Variants in SCML1 observed in about 807,000 individuals in gnomAD.
The protein encoded by SCML1 is Scm polycomb group protein like 1.
For missense variants in SCML1, 137 were observed against 258.1 expected, an observed-to-expected ratio of 0.53 and a Z score of 3.22; for synonymous variants, 104 against 103.6, an observed-to-expected ratio of 1.00 and a Z score of -0.02.
chrX:17,744,141 A>C lies in SCML1; in HGVS notation c.-46A>C. Reference sequence around the variant, plus strand: ...AAACCCTCCAGCAAGTTTAAAAATAATTAGGTCCAACTCAGAGGAAGTGGA... The same window carrying C: ...AAACCCTCCAGCAAGTTTAAAAATACTTAGGTCCAACTCAGAGGAAGTGGA... On this transcript the variant is annotated 5_prime_UTR_variant, in exon 2 of 8. Coordinates refer to ENST00000380041, the MANE Select transcript of SCML1 (RefSeq NM_001037540.3). 1 of 1,129,686 alleles carries C rather than the reference A, an allele frequency of 8.9e-7. No individual in the cohort carries two copies. Among genetic ancestry groups the C allele is most frequent in the Non-Finnish European group, 1.2e-6 (1 of 822,984 alleles). 93.1% of individuals were successfully genotyped at this position (1,129,686 alleles called of 1,213,427 possible). A position where few individuals can be genotyped will look rare whatever the true frequency, so the allele number is the denominator to read the frequency against.
chrX:17,750,271 T>C lies in SCML1; in HGVS notation c.681T>C (p.His227=). ...DSIHNTYSTD[H]ASAAPPSVTR... The stretch of plus-strand genomic sequence containing the variant: ...TCCACAACACTTACTCAACTGACCA[T>C]GCTTCTGCAGCACCACCTTCAGGTA... Residue 227 remains histidine (H), a synonymous_variant, in exon 6 of 8, where the codon CAT becomes CAC. Transcript: ENST00000380041. 1 of 1,206,198 alleles carries C rather than the reference T, an allele frequency of 8.3e-7. No individual in the cohort carries two copies. Among genetic ancestry groups the C allele is most frequent in the Non-Finnish European group, 1.1e-6 (1 of 891,871 alleles).
rs771920101 is a variant in SCML1, at chrX:17,753,290, G to A, written c.888G>A (p.Thr296=). The change falls in exon 8 of 8, where the codon ACG becomes ACA. Residue 296 remains threonine (T), a synonymous_variant. Coordinates refer to ENST00000380041, the MANE Select transcript of SCML1 (RefSeq NM_001037540.3). ...EIDGKALLLL[T]SDVLLKHLGV... ...ACGGGAAGGCTCTGCTCCTACTCAC[G>A]AGTGACGTGTTGCTGAAGCACTTGG... 7.6e-6 allele frequency: 9 copies of A among 1,180,870 alleles called. No homozygotes were observed. The South Asian group carries it at 7.7e-5, about 10-fold the overall frequency.
chrX:17,740,530 T>C (rs924528018), intron 1 of SCML1, among the ~76,000 whole-genome samples: 1 of 111,315 alleles, frequency 9.0e-6, no homozygotes, highest in African/African-American at 3.3e-5. Flanking sequence ...TTTAAGTAAG[T>C]TGTTCAACTT....
At chrX:17,751,226 A>G (rs2066704402) in intron 6 of SCML1, among the ~76,000 whole-genome samples, 1 of 112,412 alleles carries the variant, frequency 8.9e-6, no homozygotes, top group South Asian at 3.7e-4. Flanking sequence ...AAGTAAAGCG[A>G]TACTAAAAAT....
chrX:17,737,422 GCCCCCCCCCCCCCCCCCCC>G (rs549573978), upstream of SCML1: 1 of 4,987 alleles, frequency 2.0e-4, no homozygotes, highest in African/African-American at 6.5e-4. Flanking sequence ...GGGTAGTCCC[GCCCCCCCCCCCCCCCCCCC>G]CCCCCCCAAC....
At chrX:17,749,350 T>C in intron 4 of SCML1, 50 bp from the exon 5 acceptor site, 1 of 712,963 alleles carries the variant, frequency 1.4e-6, no homozygotes, top group Middle Eastern at 4.7e-4. Context: ...AAATAAAAAA[T>C]TATATTTTAC....
At chrX:17,740,418 A>G (rs1014174118) in intron 1 of SCML1, among the ~76,000 whole-genome samples, 79 of 111,516 alleles carry the variant, frequency 7.1e-4, no homozygotes, top group African/African-American at 2.4e-3. Flanking sequence ...TATCTTTGCC[A>G]TGCATTACTC....
chrX:17,740,095 C>T (rs1569326355), intron 1 of SCML1, among the ~76,000 whole-genome samples: 1 of 111,435 alleles, frequency 9.0e-6, no homozygotes, highest in Non-Finnish European at 1.9e-5. Context: ...GAGAGTTTAA[C>T]TGTGTAATTT....
intron 7 of SCML1, among the ~76,000 whole-genome samples, chrX:17,752,441 A>G (rs1224094147): frequency 1.8e-5 from 2 of 112,489 alleles, no homozygotes; most frequent in Admixed American, 1.9e-4. Context: ...ACAAAGTAAT[A>G]TCCTAGGCCG....
intron 4 of SCML1, among the ~76,000 whole-genome samples, chrX:17,746,545 G>A (rs2066643241): frequency 8.9e-6 from 1 of 112,450 alleles, no homozygotes; most frequent in African/African-American, 3.2e-5. Flanking sequence ...CATGTTGGTA[G>A]AGATGTGATT....
intron 1 of SCML1, among the ~76,000 whole-genome samples, chrX:17,741,227 A>G (rs983620160): frequency 7.2e-5 from 8 of 111,547 alleles, no homozygotes; most frequent in African/African-American, 2.6e-4. Flanking sequence ...TGCAACCTAG[A>G]TCCCTCGCAT....
At chrX:17,743,769 G>A (rs767540335) in intron 1 of SCML1, 6 of 117,278 alleles carry the variant, frequency 5.1e-5, no homozygotes, top group Non-Finnish European at 8.8e-5. Flanking sequence ...TACAAAAGCA[G>A]TTAGCCCTTG....
chrX:17,753,411 T>G lies in SCML1; in HGVS notation c.*19T>G. ...AAATTGAAAAAATCCTTGTGCAAAT[T>G]TAGATTGGGCCAACTTCTAGAGGCA... On this transcript the variant is annotated 3_prime_UTR_variant, in exon 8 of 8. Transcript: ENST00000380041. 8.9e-7 allele frequency: 1 copy of G among 1,119,436 alleles called. No homozygotes were observed. The highest frequency in any genetic ancestry group is 1.2e-6 in the Non-Finnish European group (1 of 843,272). 92.3% of individuals were successfully genotyped at this position (1,119,436 alleles called of 1,213,427 possible).
At chrX:17,745,737 T>G in intron 3 of SCML1, 198 bp downstream of exon 3, 1 of 374,571 alleles carries the variant, frequency 2.7e-6, no homozygotes, top group Non-Finnish European at 4.6e-6. Context: ...AGTAGAAAAT[T>G]AAGAGCAGTT....
chrX:17,741,858 G>A (rs1180204248), intron 1 of SCML1, among the ~76,000 whole-genome samples: 1 of 111,388 alleles, frequency 9.0e-6, no homozygotes, highest in Non-Finnish European at 1.9e-5. Flanking sequence ...TCCTCATAAG[G>A]AAAATGAGGA....
intron 4 of SCML1, among the ~76,000 whole-genome samples, chrX:17,748,998 A>G (rs1276742441): frequency 1.8e-5 from 2 of 112,729 alleles, no homozygotes; most frequent in African/African-American, 6.5e-5. Context: ...ATATTTGTAC[A>G]TATATGAACA....
intron 1 of SCML1, among the ~76,000 whole-genome samples, chrX:17,740,618 T>C (rs2066586499): frequency 8.9e-6 from 1 of 112,126 alleles, no homozygotes; most frequent in Non-Finnish European, 1.9e-5. Flanking sequence ...CTTAATGCTG[T>C]TTGATGCTGC....
intron 4 of SCML1, among the ~76,000 whole-genome samples, chrX:17,747,270 T>G (rs2066651119): frequency 9.0e-6 from 1 of 111,178 alleles, no homozygotes. Flanking sequence ...CTGCATCTAG[T>G]CCCCTCCCTG....
At chrX:17,752,226 C>T (rs1199155976) in intron 7 of SCML1, among the ~76,000 whole-genome samples, 1 of 111,819 alleles carries the variant, frequency 8.9e-6, no homozygotes, top group East Asian at 2.8e-4. Flanking sequence ...CTCAGGTGTA[C>T]CTCCCCTTTG....
Sources: allele counts gnomAD v4.1 joint callset (sites outside exome capture counted in the v4.1 genomes callset), GRCh38; gene constraint gnomAD v4.1.1; transcripts MANE v1.5; gene names NCBI Gene and HGNC (gene_info 2026-07-23, HGNC 2026-07-21).